Variants in CALN1 observed in about 807,000 individuals in gnomAD.
CALN1 encodes the protein calneuron 1.
In CALN1, 17 loss-of-function variants were observed where a neutral mutation model predicts 30.6. The ratio of observed to expected loss-of-function variants is 0.56; its 90% CI spans 0.38 to 0.83. The LOEUF (loss-of-function observed/expected upper bound fraction) is 0.83, where lower values mean the gene tolerates loss of function less well. CALN1 is among the 40% of genes least tolerant of loss of function. The pLI is 0.00. For missense variants in CALN1, 291 were observed against 354.9 expected (o/e 0.82, Z 1.45); for synonymous variants, 156 against 131.4 (o/e 1.19, Z -1.28).
intron 3 of CALN1, among the ~76,000 whole-genome samples, chr7:72,225,785 A>G (rs145114918): frequency 3.6e-4 from 55 of 152,260 alleles, no homozygotes; most frequent in East Asian, 1.9e-3. Context: ...TCAACTGTGC[A>G]TATCTTCTGC....
chr7:72,300,060 T>G (rs1799149565), intron 2 of CALN1, among the ~76,000 whole-genome samples: 1 of 152,044 alleles, frequency 6.6e-6, no homozygotes, highest in African/African-American at 2.4e-5. Context: ...TTTTGTATTT[T>G]TAACAGAGAT....
chr7:72,084,434 C>A (rs1805351209), intron 4 of CALN1, among the ~76,000 whole-genome samples: 1 of 149,702 alleles, frequency 6.7e-6, no homozygotes, highest in African/African-American at 2.5e-5. Context: ...TTGGCTCACA[C>A]TGCAACCTGC....
At chr7:72,283,812 T>A (rs549541929) in intron 2 of CALN1, among the ~76,000 whole-genome samples, 1 of 152,240 alleles carries the variant, frequency 6.6e-6, no homozygotes, top group South Asian at 2.1e-4. Flanking sequence ...CAGTGCTGAA[T>A]GGTGTCAGTA....
intron 4 of CALN1, among the ~76,000 whole-genome samples, chr7:72,027,939 G>T: frequency 6.6e-6 from 1 of 151,436 alleles, no homozygotes. Flanking sequence ...GGCGCCTGTA[G>T]TCCCAGCTAC....
At chr7:71,845,019 G>C (rs1191433979) in intron 5 of CALN1, among the ~76,000 whole-genome samples, 1 of 152,070 alleles carries the variant, frequency 6.6e-6, no homozygotes, top group Non-Finnish European at 1.5e-5. Context: ...AACTAGCTGG[G>C]ATTACAGGCA....
chr7:72,277,406 G>C (rs1030485519), intron 3 of CALN1, among the ~76,000 whole-genome samples: 1 of 152,122 alleles, frequency 6.6e-6, no homozygotes, highest in Non-Finnish European at 1.5e-5. Flanking sequence ...CTGAAGACCA[G>C]AAGATGTAAG....
chr7:72,063,919 A>T (rs1803838417), intron 4 of CALN1, among the ~76,000 whole-genome samples: 1 of 152,140 alleles, frequency 6.6e-6, no homozygotes, highest in Non-Finnish European at 1.5e-5. Flanking sequence ...AGGAATACTC[A>T]ACCTGCATAG....
chr7:72,396,235 TAAAAAA>T (rs55683543), intron 2 of CALN1, among the ~76,000 whole-genome samples: 7 of 53,344 alleles, frequency 1.3e-4, no homozygotes, highest in African/African-American at 6.3e-4. Flanking sequence ...TTGTCTCTAC[TAAAAAA>T]AAAAAAAAAA....
chr7:72,037,154 T>C (rs1217903577), intron 4 of CALN1, among the ~76,000 whole-genome samples: 10 of 85,076 alleles, frequency 1.2e-4, no homozygotes, highest in African/African-American at 1.6e-4. Context: ...TATCTTTTCA[T>C]AATTTTTTTT....
chr7:71,817,905 G>C (rs1562806489), intron 5 of CALN1, among the ~76,000 whole-genome samples: 1 of 151,502 alleles, frequency 6.6e-6, no homozygotes, highest in Non-Finnish European at 1.5e-5. Flanking sequence ...CTGGAGTCAA[G>C]GACCATGAGT....
At chr7:72,123,156 C>A (rs1229971133) in intron 3 of CALN1, among the ~76,000 whole-genome samples, 4 of 152,204 alleles carry the variant, frequency 2.6e-5, no homozygotes, top group Non-Finnish European at 5.9e-5. Context: ...TGACTTCTCA[C>A]TCCTAATTCA....
At chr7:72,173,336 T>C (rs926993286) in intron 3 of CALN1, among the ~76,000 whole-genome samples, 10 of 152,108 alleles carry the variant, frequency 6.6e-5, no homozygotes, top group Admixed American at 2.0e-4. Flanking sequence ...TATATATATA[T>C]ATCATGTTTA....
At chr7:72,164,679 T>C (rs1788391331) in intron 3 of CALN1, among the ~76,000 whole-genome samples, 1 of 152,172 alleles carries the variant, frequency 6.6e-6, no homozygotes. Context: ...TATACATTTT[T>C]TGTGTATTTG....
Position 72,229,939 on chromosome 7 carries a change from G to A in CALN1, c.244+48747C>T, listed in dbSNP as rs369529183. On this transcript the variant is annotated intron_variant, in intron 3 of 6. Coordinates refer to ENST00000395275, the MANE Select transcript of CALN1 (RefSeq NM_031468.4). ...GCGCGGATCATGAGGTCAGGAGATCGAGACCATCCTGGCTAACAGGGTGAA... is the reference window on the plus strand; with the variant it reads ...GCGCGGATCATGAGGTCAGGAGATCAAGACCATCCTGGCTAACAGGGTGAA... Among the ~76,000 whole-genome samples the A allele has an allele frequency of 1.3e-4, 20 of 151,946 alleles. No individual in the cohort carries two copies. The South Asian group carries it at 2.9e-3, about 22-fold the overall frequency.
chr7:72,246,493 A>G (rs1045611351), intron 3 of CALN1, among the ~76,000 whole-genome samples: 1 of 152,142 alleles, frequency 6.6e-6, no homozygotes, highest in Non-Finnish European at 1.5e-5. Context: ...CTGCCAGGCT[A>G]ACTTTCAGTA....
At chr7:72,331,288 T>G (rs1801658746) in intron 2 of CALN1, among the ~76,000 whole-genome samples, 1 of 151,688 alleles carries the variant, frequency 6.6e-6, no homozygotes, top group Non-Finnish European at 1.5e-5. Context: ...AGGCAGAAGT[T>G]GCAGTGAGCC....
chr7:72,015,328 T>C (rs907319177), intron 5 of CALN1, among the ~76,000 whole-genome samples: 11 of 152,208 alleles, frequency 7.2e-5, no homozygotes, highest in Admixed American at 3.3e-4. Flanking sequence ...AGAGGGCTAA[T>C]AGAAACAGAT....
intron 4 of CALN1, among the ~76,000 whole-genome samples, chr7:72,074,644 A>G (rs2129538284): frequency 6.6e-6 from 1 of 152,152 alleles, no homozygotes; most frequent in East Asian, 1.9e-4. Context: ...CTGACCTCAG[A>G]TGATCCGCCC....
At chr7:72,352,834 T>A (rs954376879) in intron 2 of CALN1, among the ~76,000 whole-genome samples, 2 of 151,690 alleles carry the variant, frequency 1.3e-5, no homozygotes, top group Non-Finnish European at 2.9e-5. Flanking sequence ...AAATAAAACA[T>A]CATAAAATTA....
Sources: allele counts gnomAD v4.1 joint callset (sites outside exome capture counted in the v4.1 genomes callset), GRCh38; gene constraint gnomAD v4.1.1; transcripts MANE v1.5; gene names NCBI Gene and HGNC (gene_info 2026-07-23, HGNC 2026-07-21).